Variants in CD9 observed in about 807,000 individuals in gnomAD.
The protein encoded by CD9 is CD9 antigen.
A neutral mutation model predicts 31.4 loss-of-function variants in CD9; 10 were observed. The observed-to-expected ratio is 0.32, with a 90% CI of 0.20 to 0.54. CD9 has a LOEUF of 0.54. Among genes scored for constraint, CD9 ranks in the 20% least tolerant of loss-of-function variants. The pLI is 0.94. For missense variants in CD9, 259 were observed against 300.1 expected, an observed-to-expected ratio of 0.86 and a Z score of 1.01; for synonymous variants, 113 against 114.1, an observed-to-expected ratio of 0.99 and a Z score of 0.06.
At chr12:6,219,546 C>T (rs1051093482) in intron 1 of CD9, among the ~76,000 whole-genome samples, 8 of 151,554 alleles carry the variant, frequency 5.3e-5, no homozygotes, top group Non-Finnish European at 1.0e-4. Flanking sequence ...AGTACAGTGG[C>T]GTGATCTCGG....
At position 6,237,834 on chromosome 12, in the gene CD9, G is replaced by C. The variant is rs779104198; in HGVS notation, c.*6G>C. The stretch of plus-strand genomic sequence containing the variant: ...GGAACCGCGAGATGGTCTAGAGTCA[G>C]CTTACATCCCTGAGCAGGAAAGTTT... On this transcript the variant is annotated 3_prime_UTR_variant, in exon 8 of 8. Coordinates refer to ENST00000009180, the MANE Select transcript of CD9 (RefSeq NM_001769.4). The C allele has an allele frequency of 1.2e-6, 2 of 1,606,672 alleles. No homozygotes were observed. Among genetic ancestry groups the C allele is most frequent in the African/African-American group, 1.3e-5 (1 of 74,894 alleles).
chr12:6,204,341 C>CA (rs539618750), intron 1 of CD9, among the ~76,000 whole-genome samples: 130 of 152,234 alleles, frequency 8.5e-4, no homozygotes, highest in African/African-American at 2.9e-3. Flanking sequence ...CAGACTTCAC[C>CA]ATGTGTAACA....
At chr12:6,221,301 G>A (rs1778700501) in intron 1 of CD9, among the ~76,000 whole-genome samples, 3 of 152,302 alleles carry the variant, frequency 2.0e-5, no homozygotes, top group South Asian at 2.1e-4. Flanking sequence ...CATGGGCAGG[G>A]CCGCGAGCTG....
chr12:6,210,706 A>G (rs953763619), intron 1 of CD9, among the ~76,000 whole-genome samples: 1 of 152,244 alleles, frequency 6.6e-6, no homozygotes, highest in East Asian at 1.9e-4. Context: ...TGGCTTCAGA[A>G]TAGAAGAAAT....
intron 1 of CD9, among the ~76,000 whole-genome samples, chr12:6,209,327 G>A (rs551749597): frequency 6.6e-6 from 1 of 152,102 alleles, no homozygotes; most frequent in Non-Finnish European, 1.5e-5. Context: ...CTTGTAGGTG[G>A]GCAGTTGCAG....
intron 7 of CD9, 72 bp from the exon 8 acceptor site, chr12:6,237,691 T>C (rs1279410231): frequency 4.3e-6 from 5 of 1,152,618 alleles, no homozygotes; most frequent in Non-Finnish European, 6.5e-6. Context: ...GGGTGACCCA[T>C]GTCTCTCCCT....
chr12:6,212,593 G>A (rs1175098234), intron 1 of CD9, among the ~76,000 whole-genome samples: 1 of 152,230 alleles, frequency 6.6e-6, no homozygotes, highest in African/African-American at 2.4e-5. Flanking sequence ...GGAAAGGGAG[G>A]CCACAGAGTC....
intron 1 of CD9, among the ~76,000 whole-genome samples, chr12:6,222,406 C>G (rs1195585662): frequency 2.0e-5 from 3 of 152,186 alleles, no homozygotes; most frequent in Non-Finnish European, 4.4e-5. Context: ...GTTGTTAAGC[C>G]TGTGAGACCG....
chr12:6,202,752 A>G (rs975719315), intron 1 of CD9, among the ~76,000 whole-genome samples: 2 of 152,190 alleles, frequency 1.3e-5, no homozygotes, highest in Admixed American at 6.5e-5. Context: ...CTGAAACAGA[A>G]ATCACTCACA....
At chr12:6,203,612 C>T (rs1946098571) in intron 1 of CD9, among the ~76,000 whole-genome samples, 1 of 152,210 alleles carries the variant, frequency 6.6e-6, no homozygotes, top group South Asian at 2.1e-4. Flanking sequence ...GCAAATCAGT[C>T]TGTTCTTCCA....
At chr12:6,237,048 G>A (rs1014594888) in intron 7 of CD9, among the ~76,000 whole-genome samples, 6 of 151,864 alleles carry the variant, frequency 4.0e-5, no homozygotes, top group African/African-American at 1.2e-4. Context: ...GTGTGATCTC[G>A]ACTCACTGCA....
chr12:6,235,967 T>A, intron 6 of CD9: 1 of 1,415,298 alleles, frequency 7.1e-7, no homozygotes, highest in Non-Finnish European at 9.2e-7. Context: ...CTGTCCCTCC[T>A]CCTTCCCTGA....
At chr12:6,224,328 C>A (rs915636147) in intron 1 of CD9, among the ~76,000 whole-genome samples, 2 of 152,204 alleles carry the variant, frequency 1.3e-5, no homozygotes, top group Non-Finnish European at 2.9e-5. Flanking sequence ...GGAAGCACAC[C>A]TCCCTGGCAG....
At chr12:6,200,808 G>C in intron 1 of CD9, 1 of 436,214 alleles carries the variant, frequency 2.3e-6, no homozygotes, top group Non-Finnish European at 4.0e-6. Context: ...TGGGGAGCCG[G>C]GCCCTCTTGA....
intron 7 of CD9, among the ~76,000 whole-genome samples, chr12:6,237,328 C>T (rs1946534887): frequency 1.3e-5 from 2 of 152,018 alleles, no homozygotes; most frequent in African/African-American, 4.8e-5. Flanking sequence ...GAGGCCGAGG[C>T]AGGCGGATCG....
chr12:6,219,417 A>G (rs1388025182), intron 1 of CD9, among the ~76,000 whole-genome samples: 1 of 152,178 alleles, frequency 6.6e-6, no homozygotes, highest in Non-Finnish European at 1.5e-5. Flanking sequence ...CATTCCCCAA[A>G]TATTCCCCAA....
chr12:6,211,339 T>C (rs1299863017), intron 1 of CD9, among the ~76,000 whole-genome samples: 1 of 151,834 alleles, frequency 6.6e-6, no homozygotes, highest in African/African-American at 2.4e-5. Flanking sequence ...GGCAGAGGGG[T>C]AGGGCAGGTT....
chr12:6,212,157 G>A (rs191305532), intron 1 of CD9, among the ~76,000 whole-genome samples: 17 of 152,278 alleles, frequency 1.1e-4, no homozygotes, highest in African/African-American at 2.6e-4. Flanking sequence ...GCAAGTAACC[G>A]ATCTCTGCAT....
intron 1 of CD9, 39 bp from the exon 2 acceptor site, chr12:6,225,387 G>A (rs1289136018): frequency 7.3e-7 from 1 of 1,378,376 alleles, no homozygotes; most frequent in Non-Finnish European, 1.0e-6. Context: ...GTTGTTGCTG[G>A]CAGCCAGAAT....
Sources: allele counts gnomAD v4.1 joint callset (sites outside exome capture counted in the v4.1 genomes callset), GRCh38; gene constraint gnomAD v4.1.1; transcripts MANE v1.5; gene names NCBI Gene and HGNC (gene_info 2026-07-23, HGNC 2026-07-21).